The following SDK1 variants were observed in gnomAD, a reference collection of about 807,000 sequenced individuals.
The protein encoded by SDK1 is protein sidekick-1.
SDK1 carries 157 observed loss-of-function variants against 245.5 expected under a neutral mutation model. The ratio of observed to expected loss-of-function variants is 0.64; its 90% CI spans 0.56 to 0.73. The LOEUF (loss-of-function observed/expected upper bound fraction) is 0.73, where lower values mean the gene tolerates loss of function less well. SDK1 is among the 30% of genes least tolerant of loss of function. The probability of loss-of-function intolerance (pLI) is 0.00; values close to 1 mark genes in which losing one functional copy is unlikely to be tolerated. For missense variants in SDK1, 3,583 were observed against 3,002.3 expected (o/e 1.19, Z -4.52); for synonymous variants, 1,647 against 1,278.5 (o/e 1.29, Z -6.15).
At chr7:3,740,659 C>G (rs1779453004) in intron 4 of SDK1, among the ~76,000 whole-genome samples, 1 of 152,130 alleles carries the variant, frequency 6.6e-6, no homozygotes, top group Non-Finnish European at 1.5e-5. Flanking sequence ...TTCAAGGGTC[C>G]TGTGGAACTA....
chr7:3,783,345 A>T (rs528604073), intron 4 of SDK1, among the ~76,000 whole-genome samples: 1 of 152,244 alleles, frequency 6.6e-6, no homozygotes, highest in South Asian at 2.1e-4. Context: ...ATAGCATTGG[A>T]AGTCCTCACC....
chr7:3,725,603 C>G (rs1364955115), intron 4 of SDK1, among the ~76,000 whole-genome samples: 1 of 152,126 alleles, frequency 6.6e-6, no homozygotes, highest in Non-Finnish European at 1.5e-5. Context: ...TTAATATAAA[C>G]CATACATAGA....
chr7:3,327,792 T>G (rs1779971696), intron 1 of SDK1, among the ~76,000 whole-genome samples: 1 of 152,204 alleles, frequency 6.6e-6, no homozygotes, highest in Non-Finnish European at 1.5e-5. Flanking sequence ...TGTGTTTGAT[T>G]ACGGTATGCT....
chr7:3,794,142 T>G (rs556782940), intron 4 of SDK1, among the ~76,000 whole-genome samples: 1 of 152,100 alleles, frequency 6.6e-6, no homozygotes, highest in Non-Finnish European at 1.5e-5. Context: ...TATCATGAGG[T>G]ATTTCAGATA....
At chr7:3,489,691 A>G (rs527614504) in intron 1 of SDK1, among the ~76,000 whole-genome samples, 3 of 152,342 alleles carry the variant, frequency 2.0e-5, no homozygotes, top group South Asian at 2.1e-4. Context: ...GAAAGTTTCT[A>G]ATGTGAAAAA....
At chr7:3,964,178 G>A (rs1467686819) in intron 9 of SDK1, among the ~76,000 whole-genome samples, 1 of 152,222 alleles carries the variant, frequency 6.6e-6, no homozygotes, top group Non-Finnish European at 1.5e-5. Context: ...AAACAGAAGG[G>A]GTAATGTGGC....
intron 1 of SDK1, among the ~76,000 whole-genome samples, chr7:3,435,689 G>C (rs868667749): frequency 6.6e-6 from 1 of 151,846 alleles, no homozygotes; most frequent in Non-Finnish European, 1.5e-5. Flanking sequence ...GGAAGTGAAG[G>C]GTAACTCATC....
intron 1 of SDK1, among the ~76,000 whole-genome samples, chr7:3,600,496 A>C (rs1258010360): frequency 6.6e-6 from 1 of 151,108 alleles, no homozygotes; most frequent in African/African-American, 2.4e-5. Context: ...TTCATTACCA[A>C]GTTTACGGAA....
At chr7:3,503,015 A>G (rs1342095405) in intron 1 of SDK1, among the ~76,000 whole-genome samples, 3 of 152,218 alleles carry the variant, frequency 2.0e-5, no homozygotes, top group African/African-American at 7.2e-5. Context: ...TGTTATTAAT[A>G]TTATGTACTA....
At chr7:3,642,229 T>G in intron 4 of SDK1, 124 bp downstream of exon 4, 1 of 802,974 alleles carries the variant, frequency 1.2e-6, no homozygotes. Flanking sequence ...AGTCTAGGAG[T>G]CCTATCCTAA....
chr7:3,449,268 T>A (rs1780440263), intron 1 of SDK1, among the ~76,000 whole-genome samples: 2 of 151,846 alleles, frequency 1.3e-5, no homozygotes, highest in South Asian at 4.1e-4. Flanking sequence ...TATTTTGGGC[T>A]CATCCTTTAT....
intron 4 of SDK1, among the ~76,000 whole-genome samples, chr7:3,787,717 CAG>C (rs1780949361): frequency 6.6e-6 from 1 of 152,168 alleles, no homozygotes; most frequent in Non-Finnish European, 1.5e-5. Flanking sequence ...ACAGTTAACT[CAG>C]AGATGCTCTC....
At chr7:4,112,931 T>C (rs1183128868) in intron 23 of SDK1, among the ~76,000 whole-genome samples, 1 of 152,044 alleles carries the variant, frequency 6.6e-6, no homozygotes, top group Non-Finnish European at 1.5e-5. Context: ...TTTTTGTATT[T>C]TTAGTAGAGA....
intron 1 of SDK1, among the ~76,000 whole-genome samples, chr7:3,505,840 G>C (rs1782375274): frequency 6.6e-6 from 1 of 152,118 alleles, no homozygotes; most frequent in Non-Finnish European, 1.5e-5. Flanking sequence ...GGATTTAGTA[G>C]CCATGGGAGG....
intron 1 of SDK1, among the ~76,000 whole-genome samples, chr7:3,583,218 C>T (rs1304921537): frequency 6.6e-6 from 1 of 152,212 alleles, no homozygotes; most frequent in African/African-American, 2.4e-5. Flanking sequence ...TCATTTATGC[C>T]TGAGAGTATG....
chr7:3,942,153 A>G (rs1780393884), intron 5 of SDK1, among the ~76,000 whole-genome samples: 2 of 151,928 alleles, frequency 1.3e-5, no homozygotes, highest in African/African-American at 2.4e-5. Flanking sequence ...TGATCCGCCC[A>G]CCCAAGCCTC....
At position 3,746,489 on chromosome 7, in the gene SDK1, A is replaced by G. The variant is rs559576242; in HGVS notation, c.714-74961A>G. ...TGCACTGCTTGCTGCTCTTTTACCCATAGTAGAACGTCTTCCAAAATTGGA... is the reference window on the plus strand; with the variant it reads ...TGCACTGCTTGCTGCTCTTTTACCCGTAGTAGAACGTCTTCCAAAATTGGA... On this transcript the variant is annotated intron_variant, in intron 4 of 44. Coordinates refer to ENST00000404826, the MANE Select transcript of SDK1 (RefSeq NM_152744.4). 6.7e-4 allele frequency among the ~76,000 whole-genome samples: 102 copies of G among 152,306 alleles called. 2 individuals are homozygous for G. The South Asian group carries it at 8.9e-3, about 13-fold the overall frequency.
chr7:3,444,777 G>A (rs542253812), intron 1 of SDK1, among the ~76,000 whole-genome samples: 29 of 152,296 alleles, frequency 1.9e-4, no homozygotes, highest in African/African-American at 7.0e-4. Flanking sequence ...TATCTAAAGT[G>A]ATGTTCCCTG....
rs566058519 is a variant in SDK1 at position 3,561,003 on chromosome 7, TC to T, written c.299-58076del. On this transcript the variant is annotated intron_variant, in intron 1 of 44. Transcript: ENST00000404826. ...ATAAGGTCCTTTCTCACATTTTTTT[TC>T]TTTTGGCACTTATCACATCTAACAT... 5.3e-5 allele frequency among the ~76,000 whole-genome samples: 8 copies of T among 152,350 alleles called. No homozygotes were observed. The South Asian group carries it at 1.7e-3, about 32-fold the overall frequency.
Sources: allele counts gnomAD v4.1 joint callset (sites outside exome capture counted in the v4.1 genomes callset), GRCh38; gene constraint gnomAD v4.1.1; transcripts MANE v1.5; gene names NCBI Gene and HGNC (gene_info 2026-07-23, HGNC 2026-07-21).